GSE1: variants seen among roughly 807,000 people sequenced by gnomAD.
GSE1 encodes the protein Gse1 coiled-coil protein.
In GSE1, 32 loss-of-function variants were observed where a neutral mutation model predicts 112.6. The observed-to-expected ratio is 0.28, with a 90% CI of 0.21 to 0.38. The LOEUF (loss-of-function observed/expected upper bound fraction) is 0.38, where lower values mean the gene tolerates loss of function less well. GSE1 is among the 10% of genes least tolerant of loss of function. The pLI is 1.00. For synonymous variants in GSE1, 1,115 were observed against 735.6 expected (o/e 1.52, Z -8.35); for missense variants, 2,348 against 1,699.2 (o/e 1.38, Z -6.71).
chr16:85,231,002 TG>T (rs1387604515), intron 1 of GSE1, among the ~76,000 whole-genome samples: 1 of 150,006 alleles, frequency 6.7e-6, no homozygotes, highest in Admixed American at 6.6e-5. Flanking sequence ...GACAGATGGA[TG>T]GATGGACAGA....
intron 2 of GSE1, among the ~76,000 whole-genome samples, chr16:85,462,211 C>T (rs1442042924): frequency 1.3e-5 from 2 of 152,172 alleles, no homozygotes; most frequent in African/African-American, 4.8e-5. Flanking sequence ...CCTGCAGTCT[C>T]CTCCTGGGGG....
Position 85,663,103 on chromosome 16 carries a change from T to G in GSE1, c.2373+10T>G, listed in dbSNP as rs1269081060. On this transcript the variant is annotated intron_variant, in intron 10 of 15. Coordinates refer to ENST00000253458, the MANE Select transcript of GSE1 (RefSeq NM_014615.5). ...GGACACGTCCTCTGAGGTACTGGGC[T>G]CTCCTCCCCACGGACATGCTCTGGG... The G allele has an allele frequency of 1.3e-6, 2 of 1,564,774 alleles. No homozygotes were observed.
Position 85,228,175 on chromosome 16 carries a change from C to G in GSE1, c.2283+56368C>G, listed in dbSNP as rs536786526. Among the ~76,000 whole-genome samples, 2 of 152,338 alleles carry G rather than the reference C, an allele frequency of 1.3e-5. 1 individual carries two copies. Among genetic ancestry groups the G allele is most frequent in the East Asian group, 3.9e-4 (2 of 5,180 alleles). On this transcript the variant is annotated intron_variant, in intron 1 of 2. Coordinates refer to the GSE1 transcript ENST00000637419. ...GAGGAGCAGCGCTGAGTCCCGGCCC[C>G]CGCCGGAGGAGCCCTGTCACTTGGC...
upstream of GSE1, among the ~76,000 whole-genome samples, chr16:85,610,149 G>A (rs1240204562): frequency 6.6e-6 from 1 of 152,196 alleles, no homozygotes; most frequent in Non-Finnish European, 1.5e-5. Context: ...GTGAGCAAAC[G>A]CGCACCAGGC....
intron 2 of GSE1, among the ~76,000 whole-genome samples, chr16:85,642,201 G>A (rs1417582988): frequency 6.6e-6 from 1 of 152,246 alleles, no homozygotes; most frequent in Non-Finnish European, 1.5e-5. Flanking sequence ...AGTCCCAGCT[G>A]CTCGGAGGCT....
intron 1 of GSE1, among the ~76,000 whole-genome samples, chr16:85,632,208 T>A (rs1408322618): frequency 6.6e-6 from 1 of 152,210 alleles, no homozygotes; most frequent in Non-Finnish European, 1.5e-5. Context: ...GGCCCGCTGC[T>A]GCAGGGCACG....
intron 2 of GSE1, among the ~76,000 whole-genome samples, chr16:85,641,428 C>CCA (rs1567701764): frequency 6.6e-6 from 1 of 151,946 alleles, no homozygotes; most frequent in Non-Finnish European, 1.5e-5. Flanking sequence ...CTGACGCCCC[C>CCA]CCCCGCCCTT....
At chr16:85,314,019 G>A (rs1479705691) in intron 1 of GSE1, among the ~76,000 whole-genome samples, 1 of 151,682 alleles carries the variant, frequency 6.6e-6, no homozygotes, top group Non-Finnish European at 1.5e-5. Context: ...CCTAGTGTGT[G>A]TATAAGACAT....
chr16:85,594,568 C>T (rs903406161), intron 1 of GSE1: 1 of 152,266 alleles, frequency 6.6e-6, no homozygotes, highest in African/African-American at 2.4e-5. Context: ...CAGCAAACGC[C>T]CGTGGAGCCT....
chr16:85,657,147 T>G (rs1257289490), intron 7 of GSE1, 130 bp from the exon 8 acceptor site: 12 of 610,690 alleles, frequency 2.0e-5, no homozygotes, highest in Non-Finnish European at 3.3e-5. Flanking sequence ...CTGAATATCT[T>G]GGTTCTGGCT....
chr16:85,450,310 G>T (rs2049639865), intron 2 of GSE1, among the ~76,000 whole-genome samples: 1 of 151,592 alleles, frequency 6.6e-6, no homozygotes, highest in African/African-American at 2.4e-5. Flanking sequence ...TAGAGATGGG[G>T]TTTCTCCATG....
At chr16:85,286,741 G>A (rs1380186405) in intron 1 of GSE1, among the ~76,000 whole-genome samples, 1 of 151,918 alleles carries the variant, frequency 6.6e-6, no homozygotes, top group East Asian at 1.9e-4. Flanking sequence ...AGATTTGGGG[G>A]CTGTTTGAAC....
rs200512963 is a variant in GSE1 at position 85,654,816 on chromosome 16, G to A, written c.622G>A (p.Val208Met). 131 of 1,610,904 alleles carry A rather than the reference G, an allele frequency of 8.1e-5. 1 individual carries two copies. The highest frequency in any genetic ancestry group is 6.7e-5 in the East Asian group (3 of 44,846). Reference protein sequence around the residue: ...PLNLQRPVHHVVPPSTVTEDY... With the variant: ...PLNLQRPVHHMVPPSTVTEDY... ...CAGCCTCCAGCGGCCCGTGCACCAC[G>A]TGGTGCCCCCCAGTACCGTGACCGA... Residue 208 changes from valine (V) to methionine (M), a missense_variant, in exon 5 of 16, where the codon GTG becomes ATG. Val to Met is a conservative substitution (Grantham distance 21). Coordinates refer to ENST00000253458, the MANE Select transcript of GSE1 (RefSeq NM_014615.5).
Position 85,288,797 on chromosome 16 carries a change from TG to T in GSE1, c.2284-68662del, listed in dbSNP as rs975700214. Among the ~76,000 whole-genome samples, 5 of 151,784 alleles carry T rather than the reference TG, an allele frequency of 3.3e-5. No individual in the cohort carries two copies. In the South Asian group the frequency reaches 8.4e-4, roughly 25 times the overall value. On this transcript the variant is annotated intron_variant, in intron 1 of 2. Coordinates refer to the GSE1 transcript ENST00000637419. ...TTTCAGCCCCAGCAAATCTTGGAGG[TG>T]GGGAGGGTGGAGCTGTCAGCATCTG...
chr16:85,549,373 C>T (rs1381590670), intron 2 of GSE1, among the ~76,000 whole-genome samples: 2 of 152,124 alleles, frequency 1.3e-5, no homozygotes, highest in African/African-American at 4.8e-5. Context: ...GACGGAGTCC[C>T]ACTGTGTTGC....
At chr16:85,202,578 C>G (rs1240337886) in intron 1 of GSE1, among the ~76,000 whole-genome samples, 1 of 152,200 alleles carries the variant, frequency 6.6e-6, no homozygotes, top group Non-Finnish European at 1.5e-5. Flanking sequence ...CGAGGCAGAA[C>G]CCCACCCCAC....
At chr16:85,657,214 A>T in intron 7 of GSE1, 63 bp from the exon 8 acceptor site, 2 of 1,149,376 alleles carry the variant, frequency 1.7e-6, no homozygotes, top group Non-Finnish European at 2.5e-6. Flanking sequence ...GTGAGAGAGG[A>T]CGGGGAGGGA....
chr16:85,489,583 A>T (rs1389738536), intron 2 of GSE1, among the ~76,000 whole-genome samples: 1 of 86,564 alleles, frequency 1.2e-5, no homozygotes, highest in Non-Finnish European at 2.3e-5. Flanking sequence ...CATAGCACCC[A>T]CCCCACAAGC....
chr16:85,417,860 G>A (rs759005887), intron 2 of GSE1, among the ~76,000 whole-genome samples: 2 of 152,190 alleles, frequency 1.3e-5, no homozygotes, highest in South Asian at 2.1e-4. Flanking sequence ...TTTCTTTTGA[G>A]ATGGAGTCTC....
Sources: allele counts gnomAD v4.1 joint callset (sites outside exome capture counted in the v4.1 genomes callset), GRCh38; gene constraint gnomAD v4.1.1; transcripts MANE v1.5; gene names NCBI Gene and HGNC (gene_info 2026-07-23, HGNC 2026-07-21).